ANO1: variants seen among roughly 807,000 people sequenced by gnomAD.
ANO1 encodes anoctamin 1, also known as anoctamin-1.
A neutral mutation model predicts 124.0 loss-of-function variants in ANO1; 59 were observed. The observed-to-expected ratio is 0.48, with a 90% CI of 0.39 to 0.59. The LOEUF is 0.59. ANO1 is among the 20% of genes least tolerant of loss of function. The probability of loss-of-function intolerance (pLI) is 0.00; values close to 1 mark genes in which losing one functional copy is unlikely to be tolerated. For missense variants in ANO1, 1,059 were observed against 1,328.0 expected, an observed-to-expected ratio of 0.80 and a Z score of 3.15; for synonymous variants, 529 against 532.0, an observed-to-expected ratio of 0.99 and a Z score of 0.08.
rs751083599 is a variant in ANO1 at position 70,155,899 on chromosome 11, AC to A, written c.1426-5del. On this transcript the variant is annotated splice_polypyrimidine_tract_variant and intron_variant, in intron 14 of 25. Coordinates refer to ENST00000355303, the MANE Select transcript of ANO1 (RefSeq NM_018043.7). Reference sequence around the variant, plus strand: ...CACCGCACGGTGCTCTCTTTCCCCCACCCCCCCTCAGAAGCGCCGGCATATT... The same window carrying A: ...CACCGCACGGTGCTCTCTTTCCCCCACCCCCCTCAGAAGCGCCGGCATATT... The A allele has an allele frequency of 7.6e-5, 114 of 1,501,850 alleles. No individual in the cohort carries two copies. In the African/African-American group the frequency reaches 1.2e-3, roughly 16 times the overall value. 93.0% of individuals were successfully genotyped at this position (1,501,850 alleles called of 1,614,324 possible). A position where few individuals can be genotyped will look rare whatever the true frequency, so the allele number is the denominator to read the frequency against.
rs1180421238 is a variant in ANO1 at position 70,058,053 on chromosome 11, T to C, written c.59-20489T>C. On this transcript the variant is annotated intron_variant, in intron 1 of 27. Coordinates refer to the ANO1 transcript ENST00000531349. ...ATTAAACTGAAGAAAGATTTTGGGG[T>C]AAGGGGTGATATTGTGGGGTTGTTG... Among the ~76,000 whole-genome samples, 5 of 151,920 alleles carry C rather than the reference T, an allele frequency of 3.3e-5. No individual in the cohort carries two copies. In the South Asian group the frequency reaches 1.0e-3, roughly 32 times the overall value.
chr11:70,009,449 A>G (rs12802640), intron 1 of ANO1, among the ~76,000 whole-genome samples: 42,828 of 152,026 alleles, frequency 0.28, 6,559 homozygotes, highest in African/African-American at 0.41. Flanking sequence ...GTACCAAGTG[A>G]CTTCTTCTTT....
intron 1 of ANO1, among the ~76,000 whole-genome samples, chr11:70,005,663 C>T (rs782631096): frequency 4.6e-5 from 7 of 152,106 alleles, no homozygotes; most frequent in African/African-American, 7.2e-5. Context: ...TTCCTGTGCA[C>T]GATTCACAAG....
intron 1 of ANO1, among the ~76,000 whole-genome samples, chr11:70,085,107 G>A (rs896378045): frequency 5.9e-5 from 9 of 152,168 alleles, no homozygotes; most frequent in Non-Finnish European, 8.8e-5. Flanking sequence ...TCCCGCCTGC[G>A]CTGTAACCCG....
At chr11:70,044,326 G>T (rs58543778) in intron 1 of ANO1, among the ~76,000 whole-genome samples, 1 of 151,966 alleles carries the variant, frequency 6.6e-6, no homozygotes, top group Non-Finnish European at 1.5e-5. Flanking sequence ...TTATTAATAC[G>T]TTAAATGTAA....
intron 15 of ANO1, 91 bp downstream of exon 15, chr11:70,156,079 A>T (rs111619972): frequency 2.6e-4 from 270 of 1,039,326 alleles, no homozygotes; most frequent in Middle Eastern, 5.3e-4. Flanking sequence ...TGTTGTATAT[A>T]TTTTTTTTTA....
intron 1 of ANO1, among the ~76,000 whole-genome samples, chr11:70,010,141 G>GTT (rs1555000774): frequency 1.9e-5 from 1 of 51,368 alleles, no homozygotes; most frequent in East Asian, 4.0e-3. Context: ...CATGGTGTGT[G>GTT]TGTGTGTGTG....
chr11:70,159,268 C>A (rs875107), intron 16 of ANO1, among the ~76,000 whole-genome samples: 76,745 of 151,928 alleles, frequency 0.51, 19,856 homozygotes, highest in East Asian at 0.73. Context: ...GGGGTGGCAG[C>A]CCCTGTCTGA....
chr11:70,152,545 T>A, intron 13 of ANO1, 84 bp downstream of exon 13: 1 of 1,491,132 alleles, frequency 6.7e-7, no homozygotes, highest in South Asian at 1.2e-5. Flanking sequence ...AATCTCTTTC[T>A]ACCACGCAGT....
intron 1 of ANO1, among the ~76,000 whole-genome samples, chr11:70,067,225 G>A (rs1453097984): frequency 5.3e-5 from 8 of 151,790 alleles, no homozygotes; most frequent in African/African-American, 1.9e-4. Context: ...CCACCTCTGA[G>A]CATCCCACCT....
At position 70,182,570 on chromosome 11, in the gene ANO1, C is replaced by T. The variant is rs749486832; in HGVS notation, c.2472C>T (p.Asn824=). 4.5e-5 allele frequency: 73 copies of T among 1,613,448 alleles called. No homozygotes were observed. Among genetic ancestry groups the T allele is most frequent in the Non-Finnish European group, 5.6e-5 (66 of 1,179,702 alleles). The change falls in exon 24 of 26, where the codon AAC becomes AAT. Residue 824 remains asparagine (N), a synonymous_variant. Coordinates refer to ENST00000355303, the MANE Select transcript of ANO1 (RefSeq NM_018043.7). The stretch of plus-strand genomic sequence containing the variant: ...TGTACCTCTACATGTACAGTAAGAA[C>T]GGGACCATGCACGGCTTCGTCAACC... ...RLVYLYMYSK[N]GTMHGFVNHT...
intron 22 of ANO1, among the ~76,000 whole-genome samples, chr11:70,179,659 A>G (rs1029974622): frequency 2.3e-4 from 35 of 152,222 alleles, no homozygotes; most frequent in African/African-American, 7.0e-4. Flanking sequence ...CTGCACCCCA[A>G]TTGAATCTTG....
At chr11:70,070,340 A>G (rs778057061) in intron 1 of ANO1, among the ~76,000 whole-genome samples, 9 of 152,210 alleles carry the variant, frequency 5.9e-5, no homozygotes, top group Non-Finnish European at 1.0e-4. Context: ...GGCGGATTCT[A>G]TGGAGAAATA....
intron 1 of ANO1, among the ~76,000 whole-genome samples, chr11:70,031,727 G>T (rs536708451): frequency 6.6e-6 from 1 of 152,280 alleles, no homozygotes; most frequent in South Asian, 2.1e-4. Context: ...TGTCACTGCC[G>T]CTGTCACTAC....
intron 12 of ANO1, among the ~76,000 whole-genome samples, chr11:70,152,077 C>G (rs1038760528): frequency 2.6e-5 from 4 of 152,144 alleles, no homozygotes; most frequent in Non-Finnish European, 5.9e-5. Context: ...TGGCTCACGC[C>G]TGTAACCCCA....
At chr11:70,031,950 A>AC (rs1217019512) in intron 1 of ANO1, among the ~76,000 whole-genome samples, 2 of 151,042 alleles carry the variant, frequency 1.3e-5, no homozygotes, top group South Asian at 4.2e-4. Flanking sequence ...CTGGCACCCA[A>AC]CCCCCCCTCC....
At chr11:70,006,368 A>G (rs1856481934) in intron 1 of ANO1, among the ~76,000 whole-genome samples, 1 of 151,604 alleles carries the variant, frequency 6.6e-6, no homozygotes, top group East Asian at 1.9e-4. Context: ...TCTGAACTTG[A>G]CCCCAGCCCT....
chr11:69,969,776 G>A, the ANO1 span, among the ~76,000 whole-genome samples: 3 of 152,008 alleles, frequency 2.0e-5, no homozygotes, highest in Non-Finnish European at 4.4e-5. Flanking sequence ...GTGAAACCCC[G>A]TCTTTACTAA....
At chr11:69,976,507 TAAAAAAAAAAAAAAA>T in the ANO1 span, among the ~76,000 whole-genome samples, 18 of 74,480 alleles carry the variant, frequency 2.4e-4, no homozygotes, top group Admixed American at 6.4e-4. Context: ...ACTCCGTCTC[TAAAAAAAAAAAAAAA>T]AAAAAAAAAA....
Sources: gnomAD v4.1 joint callset for allele counts (sites outside exome capture counted in the v4.1 genomes callset) on GRCh38, gnomAD v4.1.1 for gene constraint, MANE v1.5 for transcripts, NCBI Gene and HGNC (gene_info 2026-07-23, HGNC 2026-07-21) for gene names.